SRBD1: variants seen among roughly 807,000 people sequenced by gnomAD.
SRBD1 encodes S1 RNA-binding domain-containing protein 1.
Under a neutral mutation model 115.3 loss-of-function variants are expected in SRBD1, and 88 were observed. The observed-to-expected ratio is 0.76, with a 90% CI of 0.64 to 0.91. The LOEUF (loss-of-function observed/expected upper bound fraction) is 0.91. Among genes scored for constraint, SRBD1 ranks in the 40% least tolerant of loss-of-function variants. The pLI, the probability that SRBD1 is intolerant of heterozygous loss-of-function variation, is 0.00. For synonymous variants in SRBD1, 509 were observed against 407.7 expected (o/e 1.25, Z -2.99); for missense variants, 1,385 against 1,177.4 (o/e 1.18, Z -2.58).
At chr2:45,573,946 G>A (rs1033773522) in intron 8 of SRBD1, among the ~76,000 whole-genome samples, 4 of 152,182 alleles carry the variant, frequency 2.6e-5, no homozygotes, top group African/African-American at 9.7e-5. Flanking sequence ...AGCTAGATAT[G>A]TGGAGGGAGA....
chr2:45,566,928 T>C (rs1672847740), intron 9 of SRBD1, among the ~76,000 whole-genome samples: 1 of 152,162 alleles, frequency 6.6e-6, no homozygotes, highest in Non-Finnish European at 1.5e-5. Context: ...TCTTAATGAA[T>C]GGGATTTTAA....
At chr2:45,510,083 A>G (rs1284588422) in intron 14 of SRBD1, among the ~76,000 whole-genome samples, 2 of 152,194 alleles carry the variant, frequency 1.3e-5, no homozygotes, top group Non-Finnish European at 2.9e-5. Flanking sequence ...CTATTTAAAT[A>G]TCCCCCCAAA....
chr2:45,417,302 C>A (rs997508900), intron 18 of SRBD1, among the ~76,000 whole-genome samples: 2 of 152,132 alleles, frequency 1.3e-5, no homozygotes, highest in Non-Finnish European at 2.9e-5. Context: ...GCTTCCTTCA[C>A]ACATATTGAA....
intron 14 of SRBD1, among the ~76,000 whole-genome samples, chr2:45,511,960 C>A (rs1451471175): frequency 6.6e-6 from 1 of 152,200 alleles, no homozygotes; most frequent in Non-Finnish European, 1.5e-5. Context: ...AATCTCCTTT[C>A]TAGTTGAAAT....
At chr2:45,412,012 T>A (rs115952770) in intron 19 of SRBD1, among the ~76,000 whole-genome samples, 7 of 151,532 alleles carry the variant, frequency 4.6e-5, no homozygotes, top group Non-Finnish European at 8.8e-5. Context: ...ACTTAGGAGG[T>A]TGACGCGCAA....
intron 20 of SRBD1, among the ~76,000 whole-genome samples, chr2:45,390,983 A>G (rs1055897554): frequency 6.6e-6 from 1 of 152,182 alleles, no homozygotes; most frequent in Admixed American, 6.5e-5. Flanking sequence ...TGTCAAAGCA[A>G]AGTGGAACTA....
At chr2:45,464,945 T>A (rs968180075) in intron 16 of SRBD1, among the ~76,000 whole-genome samples, 9 of 151,992 alleles carry the variant, frequency 5.9e-5, no homozygotes, top group Middle Eastern at 6.8e-3. Context: ...ATAACTATTC[T>A]CAATTAATTG....
rs375202679 is a variant in SRBD1, at chr2:45,536,889, T to G, written c.1874+9843A>C. Among the ~76,000 whole-genome samples, 252 of 152,278 alleles carry G rather than the reference T, an allele frequency of 1.7e-3. 1 individual carries two copies. Among genetic ancestry groups the G allele is most frequent in the South Asian group, 8.1e-3 (39 of 4,820 alleles). ...ATTTTTAAAGGCTGAAAACTGTAAT[T>G]TCATAGAGCAATGTTCCTCAAACTT... On this transcript the variant is annotated intron_variant, in intron 14 of 20. Coordinates refer to ENST00000263736, the MANE Select transcript of SRBD1 (RefSeq NM_018079.5).
chr2:45,407,560 C>T (rs942919065), intron 19 of SRBD1, among the ~76,000 whole-genome samples: 3 of 152,120 alleles, frequency 2.0e-5, no homozygotes, highest in Non-Finnish European at 4.4e-5. Flanking sequence ...TTTTTATATA[C>T]TTCAGCCCCT....
rs186716649 is a variant in SRBD1 at position 45,490,953 on chromosome 2, T to C, written c.1875-2622A>G. Among the ~76,000 whole-genome samples the C allele has an allele frequency of 5.3e-5, 8 of 151,918 alleles. No individual in the cohort carries two copies. In the East Asian group the frequency reaches 1.4e-3, roughly 26 times the overall value. On this transcript the variant is annotated intron_variant, in intron 14 of 20. Coordinates refer to ENST00000263736, the MANE Select transcript of SRBD1 (RefSeq NM_018079.5). ...CTAATACACAGTTCAGTGCTCAGCA[T>C]AGATCAGAAATCTTAAATAACCTAA...
At chr2:45,486,442 G>T (rs1382087529) in intron 15 of SRBD1, among the ~76,000 whole-genome samples, 1 of 152,018 alleles carries the variant, frequency 6.6e-6, no homozygotes, top group African/African-American at 2.4e-5. Context: ...TAGAAGTGGG[G>T]ATAGGCTGGG....
chr2:45,393,111 TC>T lies in SRBD1; in HGVS notation c.2531del (p.Gly844GlufsTer16), dbSNP rs1334493511. ...GCTTTCCAACCTCATACAGTGTCCCTCCAATGGATGACAAAAACCTGCAGTG... is the reference window on the plus strand; with the variant it reads ...GCTTTCCAACCTCATACAGTGTCCCTCAATGGATGACAAAAACCTGCAGTG... ...DIAMRFLSSI[G>X]GTLYEVGKPE... On this transcript the variant is annotated frameshift_variant, in exon 20 of 21. Coordinates refer to ENST00000263736, the MANE Select transcript of SRBD1 (RefSeq NM_018079.5). LOFTEE classifies it high-confidence loss of function. 2 of 1,602,714 alleles carry T rather than the reference TC, an allele frequency of 1.2e-6. No homozygotes were observed. Among genetic ancestry groups the T allele is most frequent in the Non-Finnish European group, 1.7e-6 (2 of 1,176,578 alleles).
intron 19 of SRBD1, among the ~76,000 whole-genome samples, chr2:45,398,883 C>A (rs1013183036): frequency 6.6e-6 from 1 of 152,034 alleles, no homozygotes; most frequent in African/African-American, 2.4e-5. Flanking sequence ...AACAACTGTA[C>A]GTATACCTCT....
At chr2:45,394,445 G>C (rs1667087928) in intron 19 of SRBD1, among the ~76,000 whole-genome samples, 1 of 152,176 alleles carries the variant, frequency 6.6e-6, no homozygotes, top group African/African-American at 2.4e-5. Flanking sequence ...GGCAGATAGT[G>C]ATACTAATGC....
At chr2:45,407,173 C>G (rs1369753269) in intron 19 of SRBD1, among the ~76,000 whole-genome samples, 1 of 152,150 alleles carries the variant, frequency 6.6e-6, no homozygotes, top group Non-Finnish European at 1.5e-5. Flanking sequence ...ACCAACCTCA[C>G]AGGGTTGCTG....
At chr2:45,467,786 AC>A (rs1337614964) in intron 16 of SRBD1, among the ~76,000 whole-genome samples, 1 of 152,160 alleles carries the variant, frequency 6.6e-6, no homozygotes, top group East Asian at 1.9e-4. Context: ...AAAATAGCTT[AC>A]CTTTTTCTGA....
intron 14 of SRBD1, among the ~76,000 whole-genome samples, chr2:45,521,648 A>C (rs1487839098): frequency 6.6e-6 from 1 of 152,200 alleles, no homozygotes; most frequent in Admixed American, 6.5e-5. Flanking sequence ...ACACTCCTAC[A>C]TATATATTAC....
intron 15 of SRBD1, among the ~76,000 whole-genome samples, chr2:45,482,133 C>T (rs964178108): frequency 6.6e-6 from 1 of 152,026 alleles, no homozygotes; most frequent in Non-Finnish European, 1.5e-5. Context: ...CTCAATGAAG[C>T]TATTATTTTT....
intron 14 of SRBD1, among the ~76,000 whole-genome samples, chr2:45,525,883 T>C (rs1396536039): frequency 6.6e-6 from 1 of 152,022 alleles, no homozygotes; most frequent in Non-Finnish European, 1.5e-5. Flanking sequence ...TCAATATCAT[T>C]AGTCATCAGG....
Sources: allele counts gnomAD v4.1 joint callset (sites outside exome capture counted in the v4.1 genomes callset), GRCh38; gene constraint gnomAD v4.1.1; transcripts MANE v1.5; gene names NCBI Gene and HGNC (gene_info 2026-07-23, HGNC 2026-07-21).